Variants in CFDP1 observed in about 807,000 individuals in gnomAD.
CFDP1 encodes the protein heterochromatin-stabilizing protein CFDP1.
Under a neutral mutation model 40.1 loss-of-function variants are expected in CFDP1, and 31 were observed. The observed-to-expected ratio is 0.77, with a 90% CI of 0.58 to 1.04. The LOEUF (loss-of-function observed/expected upper bound fraction) is 1.04, where lower values mean the gene tolerates loss of function less well. CFDP1 is among the 50% of genes least tolerant of loss of function. CFDP1 has a pLI of 0.00. For missense variants in CFDP1, 423 were observed against 343.4 expected (o/e 1.23, Z -1.83); for synonymous variants, 167 against 120.0 (o/e 1.39, Z -2.56).
intron 5 of CFDP1, among the ~76,000 whole-genome samples, chr16:75,367,728 G>C (rs1181085106): frequency 6.6e-6 from 1 of 150,722 alleles, no homozygotes; most frequent in African/African-American, 2.5e-5. Flanking sequence ...CGGAGGCAGA[G>C]GTTGCCGTGA....
chr16:75,311,454 G>A (rs527648721), intron 5 of CFDP1, among the ~76,000 whole-genome samples: 2 of 152,230 alleles, frequency 1.3e-5, no homozygotes, highest in African/African-American at 2.4e-5. Flanking sequence ...CATTTTTAAT[G>A]TACTAAATCC....
intron 5 of CFDP1, among the ~76,000 whole-genome samples, chr16:75,389,221 A>C (rs2078926817): frequency 6.6e-6 from 1 of 152,210 alleles, no homozygotes; most frequent in South Asian, 2.1e-4. Flanking sequence ...ACTGGATGCA[A>C]GTAGCTAACA....
chr16:75,399,006 G>T (rs1001936431), intron 4 of CFDP1, among the ~76,000 whole-genome samples: 2 of 140,196 alleles, frequency 1.4e-5, no homozygotes, highest in Non-Finnish European at 3.0e-5. Flanking sequence ...GCAGTGAGCC[G>T]AAATCATGCC....
chr16:75,297,008 T>A (rs2078186685), intron 6 of CFDP1, among the ~76,000 whole-genome samples: 1 of 151,724 alleles, frequency 6.6e-6, no homozygotes, highest in Admixed American at 6.6e-5. Flanking sequence ...TGCCTTTTTT[T>A]CCTTCTCTGT....
chr16:75,346,253 G>A (rs965801323), intron 5 of CFDP1, among the ~76,000 whole-genome samples: 2 of 152,164 alleles, frequency 1.3e-5, no homozygotes, highest in Admixed American at 1.3e-4. Context: ...ATGTCAATGT[G>A]CTGAAGTTCT....
chr16:75,345,632 C>A (rs2078557858), intron 5 of CFDP1, among the ~76,000 whole-genome samples: 1 of 152,044 alleles, frequency 6.6e-6, no homozygotes, highest in Admixed American at 6.6e-5. Flanking sequence ...ATGACAAAGA[C>A]CCTGTCTCTT....
intron 5 of CFDP1, among the ~76,000 whole-genome samples, chr16:75,316,091 G>C (rs887071005): frequency 2.8e-5 from 4 of 143,738 alleles, no homozygotes; most frequent in African/African-American, 1.1e-4. Flanking sequence ...ACTAGATTCA[G>C]GTTAAATATT....
chr16:75,297,146 T>G (rs11643209), intron 6 of CFDP1, among the ~76,000 whole-genome samples: 5,081 of 132,726 alleles, frequency 0.038, 406 homozygotes, highest in South Asian at 0.063. Flanking sequence ...TTCCCATTTC[T>G]TGTGTGTGTG....
intron 4 of CFDP1, among the ~76,000 whole-genome samples, chr16:75,402,430 AT>A (rs1218761796): frequency 8.5e-5 from 13 of 152,242 alleles, no homozygotes; most frequent in Non-Finnish European, 1.6e-4. Flanking sequence ...ATAGGGCAGA[AT>A]ACAAAATACT....
At chr16:75,393,593 C>T (rs28371085) in intron 5 of CFDP1, among the ~76,000 whole-genome samples, 30,530 of 149,894 alleles carry the variant, frequency 0.2, 3,266 homozygotes, top group African/African-American at 0.26. Flanking sequence ...TAGCCGGGCG[C>T]GGTGGCGGGC....
chr16:75,365,414 G>A (rs2078706749), intron 5 of CFDP1, among the ~76,000 whole-genome samples: 1 of 152,162 alleles, frequency 6.6e-6, no homozygotes, highest in South Asian at 2.1e-4. Context: ...TTGAGAGAAG[G>A]GGACTGACTG....
chr16:75,354,108 T>C (rs1312500656), intron 5 of CFDP1, among the ~76,000 whole-genome samples: 1 of 152,240 alleles, frequency 6.6e-6, no homozygotes, highest in Non-Finnish European at 1.5e-5. Flanking sequence ...TTCAACACTT[T>C]ATTATAAAAT....
intron 5 of CFDP1, among the ~76,000 whole-genome samples, chr16:75,366,153 G>A (rs923882093): frequency 3.9e-5 from 6 of 152,152 alleles, no homozygotes; most frequent in African/African-American, 1.4e-4. Context: ...TGATGAATGG[G>A]ATAAGTATAA....
intron 5 of CFDP1, among the ~76,000 whole-genome samples, chr16:75,317,191 G>A (rs1250497942): frequency 1.3e-5 from 2 of 151,976 alleles, no homozygotes; most frequent in Non-Finnish European, 2.9e-5. Flanking sequence ...ACGCATGAGG[G>A]TTAAATGACA....
chr16:75,314,430 A>G (rs907671738), intron 5 of CFDP1, among the ~76,000 whole-genome samples: 6 of 152,132 alleles, frequency 3.9e-5, no homozygotes, highest in African/African-American at 1.4e-4. Flanking sequence ...AAACCTACGC[A>G]GACAGAAAGT....
rs60815655 is a variant in CFDP1, at chr16:75,349,682, A to ATATATATATATAT, written c.651-44501_651-44500insATATATATATATA. On this transcript the variant is annotated intron_variant, in intron 5 of 6. Transcript: ENST00000283882. ...AAAAAAAAAAAAAAAAAAAAAAAAA[A>ATATATATATATAT]AAAAAAAAATATATATACATACATA... Among the ~76,000 whole-genome samples the ATATATATATATAT allele has an allele frequency of 5.8e-3, 43 of 7,392 alleles. 1 individual carries two copies. Among genetic ancestry groups the ATATATATATATAT allele is most frequent in the East Asian group, 0.027 (3 of 110 alleles). The allele number at this position is 7,392 out of a possible 152,430, so 4.8% of individuals were successfully genotyped here.
chr16:75,416,901 G>T (rs1597398681), intron 1 of CFDP1, among the ~76,000 whole-genome samples: 1 of 152,212 alleles, frequency 6.6e-6, no homozygotes. Context: ...CAAGGGCTAA[G>T]TGACAGTGTT....
Position 75,384,877 on chromosome 16 carries a change from T to TATAC in CFDP1, c.650+10212_650+10213insGTAT, listed in dbSNP as rs2078880959. Among the ~76,000 whole-genome samples, 2 of 30,878 alleles carry TATAC rather than the reference T, an allele frequency of 6.5e-5. 1 individual carries two copies. The highest frequency in any genetic ancestry group is 2.4e-3 in the South Asian group (2 of 850). 20.3% of individuals were successfully genotyped at this position (30,878 alleles called of 152,430 possible). On this transcript the variant is annotated intron_variant, in intron 5 of 6. Coordinates refer to ENST00000283882, the MANE Select transcript of CFDP1 (RefSeq NM_006324.3). ...CTATATATATATATATATATATATATATATATATATATATATATATATTGC... is the reference window on the plus strand; with the variant it reads ...CTATATATATATATATATATATATATATACATATATATATATATATATATATTGC...
intron 5 of CFDP1, among the ~76,000 whole-genome samples, chr16:75,389,738 G>T (rs2078932023): frequency 6.6e-6 from 1 of 152,126 alleles, no homozygotes; most frequent in Non-Finnish European, 1.5e-5. Context: ...TATTCCTATA[G>T]ATCCTTCCCT....
Sources: allele counts gnomAD v4.1 joint callset (sites outside exome capture counted in the v4.1 genomes callset), GRCh38; gene constraint gnomAD v4.1.1; transcripts MANE v1.5; gene names NCBI Gene and HGNC (gene_info 2026-07-23, HGNC 2026-07-21).